Variants in CERT1 observed in about 807,000 individuals in gnomAD.
The protein encoded by CERT1 is ceramide transfer protein.
Under a neutral mutation model 87.9 loss-of-function variants are expected in CERT1, and 31 were observed. The observed-to-expected ratio is 0.35, with a 90% CI of 0.27 to 0.48. CERT1 has a LOEUF of 0.48. CERT1 is among the 20% of genes least tolerant of loss of function. The pLI, the probability that CERT1 is intolerant of heterozygous loss-of-function variation, is 0.99. For synonymous variants in CERT1, 289 were observed against 250.9 expected (o/e 1.15, Z -1.44); for missense variants, 487 against 758.0 (o/e 0.64, Z 4.20).
chr5:75,492,691 T>C (rs903636856), intron 2 of CERT1, among the ~76,000 whole-genome samples: 9 of 152,068 alleles, frequency 5.9e-5, no homozygotes, highest in African/African-American at 2.2e-4. Flanking sequence ...TTGAGATTGT[T>C]AGAACAAATA....
intron 11 of CERT1, among the ~76,000 whole-genome samples, chr5:75,396,895 A>G (rs1018489267): frequency 1.3e-5 from 2 of 152,226 alleles, no homozygotes; most frequent in African/African-American, 2.4e-5. Context: ...AGTCACTACT[A>G]TAATTTTACA....
chr5:75,372,043 T>C (rs1045645084), intron 17 of CERT1: 2 of 152,190 alleles, frequency 1.3e-5, no homozygotes, highest in Admixed American at 1.3e-4. Flanking sequence ...AATACAAATA[T>C]TTTAGTGTAA....
At chr5:75,445,627 T>G (rs905845975) in intron 3 of CERT1, among the ~76,000 whole-genome samples, 2 of 152,148 alleles carry the variant, frequency 1.3e-5, no homozygotes. Flanking sequence ...ACCTGCTATC[T>G]CCTTCTCCTT....
chr5:75,457,930 TG>T (rs1384046767), intron 3 of CERT1, among the ~76,000 whole-genome samples: 1 of 146,492 alleles, frequency 6.8e-6, no homozygotes, highest in Non-Finnish European at 1.5e-5. Flanking sequence ...GTGTGTGGTG[TG>T]TGTGTGTGTG....
chr5:75,426,451 T>C lies in CERT1; in HGVS notation c.376A>G (p.Ser126Gly). The C allele has an allele frequency of 3.1e-6, 5 of 1,613,528 alleles. No homozygotes were observed. The highest frequency in any genetic ancestry group is 4.2e-6 in the Non-Finnish European group (5 of 1,179,606). Residue 126 changes from serine (S) to glycine (G), a missense_variant, in exon 4 of 17, where the codon AGC becomes GGC. Physicochemically the swap from Ser to Gly is moderately conservative, Grantham distance 56. Coordinates refer to ENST00000643780, the MANE Select transcript of CERT1 (RefSeq NM_001379029.1). Reference sequence around the variant, plus strand: ...ACCATTGAGCCATGTCGACGCAAGCTGGATTCAGATCCATATCCAGATTCA... The same window carrying C: ...ACCATTGAGCCATGTCGACGCAAGCCGGATTCAGATCCATATCCAGATTCA... ...KTESGYGSESSLRRHGSMVSL... is the reference protein window; with the variant it reads ...KTESGYGSESGLRRHGSMVSL...
intron 9 of CERT1, chr5:75,402,574 G>A (rs1459005513): frequency 6.4e-6 from 1 of 155,514 alleles, no homozygotes; most frequent in Non-Finnish European, 1.4e-5. Context: ...TGAGGCGGGT[G>A]GATCATGAGC....
At chr5:75,384,180 T>C (rs1041043810) in intron 14 of CERT1, among the ~76,000 whole-genome samples, 5 of 152,202 alleles carry the variant, frequency 3.3e-5, no homozygotes, top group African/African-American at 1.2e-4. Context: ...AGAAACTAGA[T>C]ACTAGAAAGG....
At chr5:75,507,107 T>C (rs964218005) in intron 1 of CERT1, among the ~76,000 whole-genome samples, 6 of 152,164 alleles carry the variant, frequency 3.9e-5, no homozygotes, top group South Asian at 2.1e-4. Flanking sequence ...TTTTTGAGAT[T>C]GATTCACTTC....
intron 7 of CERT1, among the ~76,000 whole-genome samples, chr5:75,413,339 C>A (rs2112136207): frequency 6.6e-6 from 1 of 152,270 alleles, no homozygotes; most frequent in Admixed American, 6.5e-5. Flanking sequence ...CTTCTAAATA[C>A]CACATCAGCG....
At chr5:75,437,012 T>C (rs1447598864) in intron 3 of CERT1, among the ~76,000 whole-genome samples, 1 of 152,084 alleles carries the variant, frequency 6.6e-6, no homozygotes, top group Non-Finnish European at 1.5e-5. Context: ...TCTCAAACTG[T>C]TGGGGTCAAG....
chr5:75,386,795 A>G (rs989882005), intron 12 of CERT1, among the ~76,000 whole-genome samples: 2 of 152,186 alleles, frequency 1.3e-5, no homozygotes, highest in Non-Finnish European at 2.9e-5. Context: ...CCGTTTTCCC[A>G]GCTACCCAAA....
At chr5:75,507,133 TTTAG>T (rs1213466754) in intron 1 of CERT1, among the ~76,000 whole-genome samples, 1 of 152,188 alleles carries the variant, frequency 6.6e-6, no homozygotes, top group Non-Finnish European at 1.5e-5. Flanking sequence ...TTTTCTTTTA[TTTAG>T]TATTTTCTTG....
intron 3 of CERT1, among the ~76,000 whole-genome samples, chr5:75,440,929 G>A (rs1358517353): frequency 2.0e-5 from 3 of 152,068 alleles, no homozygotes; most frequent in African/African-American, 7.2e-5. Context: ...ATGGCTCCCT[G>A]TTTCTCTTAG....
rs1027535653 is a variant in CERT1, at chr5:75,378,499, A to G, written c.*847T>C. The G allele has an allele frequency of 5.3e-5, 8 of 152,234 alleles. No individual in the cohort carries two copies. Among genetic ancestry groups the G allele is most frequent in the African/African-American group, 1.9e-4 (8 of 41,470 alleles). 9.4% of individuals were successfully genotyped at this position (152,234 alleles called of 1,614,324 possible). A position where few individuals can be genotyped will look rare whatever the true frequency, so the allele number is the denominator to read the frequency against. ...TGCTGTACTGGTTGACAGTAAAAATATGGAACCAACTCAGACATTAACATG... is the reference window on the plus strand; with the variant it reads ...TGCTGTACTGGTTGACAGTAAAAATGTGGAACCAACTCAGACATTAACATG... On this transcript the variant is annotated 3_prime_UTR_variant, in exon 17 of 17. Coordinates refer to ENST00000643780, the MANE Select transcript of CERT1 (RefSeq NM_001379029.1).
chr5:75,437,185 C>G (rs1308617893), intron 3 of CERT1, among the ~76,000 whole-genome samples: 1 of 152,152 alleles, frequency 6.6e-6, no homozygotes, highest in Non-Finnish European at 1.5e-5. Flanking sequence ...TTAAAATGAT[C>G]TTAAAACAAA....
rs1298032199 is a variant in CERT1 at position 75,459,264 on chromosome 5, A to G, written c.232-83T>C. 5.2e-6 allele frequency: 4 copies of G among 765,446 alleles called. No individual in the cohort carries two copies. In the East Asian group the frequency reaches 1.0e-4, roughly 19 times the overall value. The allele number at this position is 765,446 out of a possible 1,614,324, so 47.4% of individuals were successfully genotyped here. On this transcript the variant is annotated intron_variant, in intron 2 of 16. Coordinates refer to ENST00000643780, the MANE Select transcript of CERT1 (RefSeq NM_001379029.1). ...CACCCCAAAGCCAAAACATGAACATACTCATTCTGTGCTGGTGGGAGACTT... is the reference window on the plus strand; with the variant it reads ...CACCCCAAAGCCAAAACATGAACATGCTCATTCTGTGCTGGTGGGAGACTT...
chr5:75,489,916 G>A (rs894393533), intron 2 of CERT1, among the ~76,000 whole-genome samples: 15 of 152,140 alleles, frequency 9.9e-5, no homozygotes, highest in African/African-American at 3.4e-4. Context: ...ACATGCATAC[G>A]TATGTTTACT....
rs144220958 is a variant in CERT1 at position 75,453,014 on chromosome 5, C to T, written c.348+6051G>A. On this transcript the variant is annotated intron_variant, in intron 3 of 16. Transcript: ENST00000643780. ...TAATTTTTGAATTTAAGAATGACCTCGGGAATAACTTTTTTCTGCAGGGGC... is the reference window on the plus strand; with the variant it reads ...TAATTTTTGAATTTAAGAATGACCTTGGGAATAACTTTTTTCTGCAGGGGC... 2.2e-3 allele frequency among the ~76,000 whole-genome samples: 334 copies of T among 152,158 alleles called. 1 individual carries two copies. Among genetic ancestry groups the T allele is most frequent in the African/African-American group, 7.3e-3 (305 of 41,528 alleles).
At chr5:75,412,921 TAAC>T (rs1762989116) in intron 7 of CERT1, among the ~76,000 whole-genome samples, 1 of 152,192 alleles carries the variant, frequency 6.6e-6, no homozygotes, top group Non-Finnish European at 1.5e-5. Flanking sequence ...CTTCCTTCAA[TAAC>T]AACCTTAGCT....
Sources: allele counts gnomAD v4.1 joint callset (sites outside exome capture counted in the v4.1 genomes callset), GRCh38; gene constraint gnomAD v4.1.1; transcripts MANE v1.5; gene names NCBI Gene and HGNC (gene_info 2026-07-23, HGNC 2026-07-21).